GALNT18: variants seen among roughly 807,000 people sequenced by gnomAD.
GALNT18 encodes the protein polypeptide N-acetylgalactosaminyltransferase 18.
A neutral mutation model predicts 69.5 loss-of-function variants in GALNT18; 44 were observed. The observed-to-expected ratio is 0.63, with a 90% CI of 0.50 to 0.81. The LOEUF is 0.81. Among genes scored for constraint, GALNT18 ranks in the 40% least tolerant of loss-of-function variants. The pLI is 0.00. For missense variants in GALNT18, 715 were observed against 810.0 expected, an observed-to-expected ratio of 0.88 and a Z score of 1.42; for synonymous variants, 364 against 318.2, an observed-to-expected ratio of 1.14 and a Z score of -1.53.
At chr11:11,536,344 C>T (rs1857772734) in intron 1 of GALNT18, among the ~76,000 whole-genome samples, 1 of 152,190 alleles carries the variant, frequency 6.6e-6, no homozygotes, top group Non-Finnish European at 1.5e-5. Flanking sequence ...TCCAAGATCA[C>T]ACAACTGGTA....
chr11:11,578,633 T>A (rs1858989975), intron 1 of GALNT18, among the ~76,000 whole-genome samples: 1 of 152,166 alleles, frequency 6.6e-6, no homozygotes, highest in Non-Finnish European at 1.5e-5. Context: ...GGCATCTTCA[T>A]AAGAGACCCC....
At chr11:11,514,918 G>A (rs961921335) in intron 1 of GALNT18, among the ~76,000 whole-genome samples, 1 of 152,144 alleles carries the variant, frequency 6.6e-6, no homozygotes. Flanking sequence ...ATCCAAAAGT[G>A]GACCGAAACC....
rs944500044 is a variant in GALNT18 at position 11,548,166 on chromosome 11, G to A, written c.235+73193C>T. Among the ~76,000 whole-genome samples, 5 of 152,288 alleles carry A rather than the reference G, an allele frequency of 3.3e-5. No homozygotes were observed. In the South Asian group the frequency reaches 6.2e-4, roughly 19 times the overall value. On this transcript the variant is annotated intron_variant, in intron 1 of 10. Coordinates refer to ENST00000227756, the MANE Select transcript of GALNT18 (RefSeq NM_198516.3). ...ATTTCATATCACTGTGTGACACTGT[G>A]AACAGCCAATGGTTGCATGAATAAA...
At position 11,463,712 on chromosome 11, in the gene GALNT18, A is replaced by T. The variant is rs564657699; in HGVS notation, c.236-14776T>A. On this transcript the variant is annotated intron_variant, in intron 1 of 10. Coordinates refer to ENST00000227756, the MANE Select transcript of GALNT18 (RefSeq NM_198516.3). This position sits in a 1 kb window ranked among gnomAD's most constrained non-coding sequence, Gnocchi z 4.2. Reference sequence around the variant, plus strand: ...CCTCCCAACCCCAGGCCCTGGCAGGATAGGGAAAGGCTTTGAATCCACGTC... The same window carrying T: ...CCTCCCAACCCCAGGCCCTGGCAGGTTAGGGAAAGGCTTTGAATCCACGTC... Among the ~76,000 whole-genome samples the T allele has an allele frequency of 6.6e-6, 1 of 152,346 alleles. No individual in the cohort carries two copies. Among genetic ancestry groups the T allele is most frequent in the South Asian group, 2.1e-4 (1 of 4,830 alleles).
intron 1 of GALNT18, among the ~76,000 whole-genome samples, chr11:11,566,209 A>G (rs953286850): frequency 1.3e-5 from 2 of 152,240 alleles, no homozygotes; most frequent in Non-Finnish European, 2.9e-5. Flanking sequence ...CAAATAGTAA[A>G]ATATTTTAGA....
At chr11:11,273,715 C>G (rs1848875142) in intron 10 of GALNT18, among the ~76,000 whole-genome samples, 1 of 152,048 alleles carries the variant, frequency 6.6e-6, no homozygotes, top group South Asian at 2.1e-4. Context: ...AGAAAGGAAA[C>G]CAGCATATTG....
intron 1 of GALNT18, among the ~76,000 whole-genome samples, chr11:11,481,862 C>T (rs1228986634): frequency 6.6e-6 from 1 of 152,232 alleles, no homozygotes; most frequent in African/African-American, 2.4e-5. Context: ...GTTGTATCCC[C>T]AGAGCATAGC....
chr11:11,561,348 G>T (rs1858500644), intron 1 of GALNT18, among the ~76,000 whole-genome samples: 1 of 93,098 alleles, frequency 1.1e-5, no homozygotes, highest in Non-Finnish European at 2.3e-5. Context: ...TTCTCCAAAT[G>T]AAGCACTGTG....
At chr11:11,424,952 A>G (rs1217047463) in intron 3 of GALNT18, among the ~76,000 whole-genome samples, 1 of 152,154 alleles carries the variant, frequency 6.6e-6, no homozygotes, top group Non-Finnish European at 1.5e-5. Context: ...ATGCTGGACA[A>G]AGCGATGAGA....
intron 4 of GALNT18, 43 bp downstream of exon 4, chr11:11,379,038 A>G: frequency 6.6e-7 from 1 of 1,510,070 alleles, no homozygotes; most frequent in Non-Finnish European, 8.8e-7. Flanking sequence ...CTGAAGCCCC[A>G]GATCCCACTG....
At chr11:11,369,261 A>G (rs1382337544) in intron 6 of GALNT18, among the ~76,000 whole-genome samples, 1 of 152,212 alleles carries the variant, frequency 6.6e-6, no homozygotes, top group Non-Finnish European at 1.5e-5. Flanking sequence ...ACAGTTCTGG[A>G]GGCCAGAAGT....
At chr11:11,353,238 GA>G in intron 6 of GALNT18, 2 of 1,298,384 alleles carry the variant, frequency 1.5e-6, no homozygotes, top group South Asian at 2.7e-5. Flanking sequence ...CACTGTGGTG[GA>G]AGCGGCAGCG....
chr11:11,517,336 C>A (rs1166003030), intron 1 of GALNT18, among the ~76,000 whole-genome samples: 1 of 152,198 alleles, frequency 6.6e-6, no homozygotes, highest in Non-Finnish European at 1.5e-5. Flanking sequence ...GAGATTCAGC[C>A]TCCACCCACC....
intron 1 of GALNT18, among the ~76,000 whole-genome samples, chr11:11,521,796 C>T (rs755585634): frequency 2.6e-5 from 4 of 152,154 alleles, no homozygotes; most frequent in Non-Finnish European, 5.9e-5. Flanking sequence ...AGCCCACACA[C>T]CTTTGGCCAG....
chr11:11,271,353 C>A, intron 10 of GALNT18, 63 bp from the exon 11 acceptor site: 1 of 1,561,328 alleles, frequency 6.4e-7, no homozygotes, highest in South Asian at 1.1e-5. Context: ...AATTCGGGAG[C>A]CTCAGGCCAA....
rs1340080867 is a variant in GALNT18, at chr11:11,511,633, G to A, written c.236-62697C>T. 6.6e-6 allele frequency among the ~76,000 whole-genome samples: 1 copy of A among 152,198 alleles called. No homozygotes were observed. On this transcript the variant is annotated intron_variant, in intron 1 of 10. Coordinates refer to ENST00000227756, the MANE Select transcript of GALNT18 (RefSeq NM_198516.3). The surrounding 1 kb of genome is among the most constrained non-coding windows in gnomAD (Gnocchi z 4.9). The stretch of plus-strand genomic sequence containing the variant: ...TGTTTCCACTAAAATTGATAGGTTG[G>A]AACCTAATCCCCAGTGTGATGATGT...
chr11:11,455,175 C>A (rs1469799707), intron 1 of GALNT18, among the ~76,000 whole-genome samples: 1 of 152,200 alleles, frequency 6.6e-6, no homozygotes, highest in Non-Finnish European at 1.5e-5. Context: ...ATCATCTAAG[C>A]AACAAATATT....
In GALNT18 at chr11:11,402,949, T is replaced by A. The variant is rs147460117; in HGVS notation, c.596-23685A>T. Among the ~76,000 whole-genome samples, 19 of 152,294 alleles carry A rather than the reference T, an allele frequency of 1.2e-4. No homozygotes were observed. The highest frequency in any genetic ancestry group is 4.1e-4 in the African/African-American group (17 of 41,562). Reference sequence around the variant, plus strand: ...CTTCTTTCTTCTCTGCCCCAGGCATTCCCCTGAGGAAAGTGAGCCTCAGAA... The same window carrying A: ...CTTCTTTCTTCTCTGCCCCAGGCATACCCCTGAGGAAAGTGAGCCTCAGAA... On this transcript the variant is annotated intron_variant, in intron 3 of 10. Transcript: ENST00000227756. The surrounding 1 kb of genome is among the most constrained non-coding windows in gnomAD (Gnocchi z 4.0).
At chr11:11,388,733 C>T (rs1329900327) in intron 3 of GALNT18, among the ~76,000 whole-genome samples, 2 of 152,208 alleles carry the variant, frequency 1.3e-5, no homozygotes, top group East Asian at 1.9e-4. Context: ...CCCTACACCA[C>T]ATAATGTGCA....
Sources: gnomAD v4.1 joint callset for allele counts (sites outside exome capture counted in the v4.1 genomes callset) on GRCh38, gnomAD v4.1.1 for gene constraint, Gnocchi (gnomAD v3.1) non-coding constraint, MANE v1.5 for transcripts, NCBI Gene and HGNC (gene_info 2026-07-23, HGNC 2026-07-21) for gene names.